Variants in DNAJC6 observed in about 807,000 individuals in gnomAD.
DNAJC6 encodes the protein DnaJ heat shock protein family (Hsp40) member C6, also known as auxilin.
In DNAJC6, 34 loss-of-function variants were observed where a neutral mutation model predicts 110.0. The observed-to-expected ratio is 0.31, with a 90% CI of 0.24 to 0.41. The LOEUF is 0.41. DNAJC6 is among the 10% of genes least tolerant of loss of function. DNAJC6 has a pLI of 1.00. For missense variants in DNAJC6, 1,031 were observed against 1,207.8 expected (o/e 0.85, Z 2.17); for synonymous variants, 406 against 437.2 (o/e 0.93, Z 0.89).
At chr1:65,286,099 GA>G (rs1374900223) in intron 1 of DNAJC6, among the ~76,000 whole-genome samples, 1 of 152,202 alleles carries the variant, frequency 6.6e-6, no homozygotes, top group Non-Finnish European at 1.5e-5. Flanking sequence ...CAGCAACTTG[GA>G]AGGTCAATGA....
intron 12 of DNAJC6, among the ~76,000 whole-genome samples, chr1:65,393,638 T>G (rs1319964263): frequency 6.6e-6 from 1 of 152,174 alleles, no homozygotes; most frequent in Non-Finnish European, 1.5e-5. Flanking sequence ...CATCTAGGAT[T>G]TTTTGACATT....
intron 1 of DNAJC6, among the ~76,000 whole-genome samples, chr1:65,302,347 C>T (rs1252439078): frequency 7.3e-6 from 1 of 136,114 alleles, no homozygotes; most frequent in Non-Finnish European, 1.6e-5. Context: ...ATATCCCCTC[C>T]ACAACTCATG....
In DNAJC6 at chr1:65,332,863, C is replaced by T. The variant is rs79377707; in HGVS notation, c.193+22925C>T. The stretch of plus-strand genomic sequence containing the variant: ...TTTCCTCTTAACGTACATTCAAATA[C>T]TTAGAGGGTTAGAAATTAGAAGATT... On this transcript the variant is annotated intron_variant, in intron 1 of 18. Transcript: ENST00000371069. Among the ~76,000 whole-genome samples the T allele has an allele frequency of 5.1e-3, 780 of 152,236 alleles. 7 individuals carry two copies. Among genetic ancestry groups the T allele is most frequent in the African/African-American group, 0.018 (743 of 41,506 alleles).
chr1:65,336,702 G>A (rs1645340362), intron 1 of DNAJC6, among the ~76,000 whole-genome samples: 1 of 152,128 alleles, frequency 6.6e-6, no homozygotes, highest in Non-Finnish European at 1.5e-5. Flanking sequence ...TGAACTTGTA[G>A]TCCTAGTTAC....
rs33917506 is a variant in DNAJC6 at position 65,374,295 on chromosome 1, G to GT, written c.544-5098dup. Among the ~76,000 whole-genome samples, 95 of 150,974 alleles carry GT rather than the reference G, an allele frequency of 6.3e-4. 1 individual carries two copies. Among genetic ancestry groups the GT allele is most frequent in the Middle Eastern group, 3.4e-3 (1 of 290 alleles). On this transcript the variant is annotated intron_variant, in intron 4 of 18. Transcript: ENST00000371069. ...TTGTGGTTCCACATACATTTTAGGG[G>GT]TTTTTTTTTATTTCTGTGAAGAATG...
chr1:65,366,137 C>G lies in DNAJC6; in HGVS notation c.484C>G (p.His162Asp). ...RSFLDSRHLD[H>D]YTVYNLSPKS... ...CTTTTTGGATTCCAGACATCTTGAC[C>G]ACTACACAGTATACAATCTGTCACC... Residue 162 changes from histidine (H) to aspartate (D), a missense_variant, in exon 4 of 19, where the codon CAC becomes GAC. His to Asp is a moderately conservative substitution (Grantham distance 81). Transcript: ENST00000371069. 3 of 1,613,828 alleles carry G rather than the reference C, an allele frequency of 1.9e-6. No homozygotes were observed. Among genetic ancestry groups the G allele is most frequent in the Non-Finnish European group, 2.5e-6 (3 of 1,179,814 alleles).
At chr1:65,348,674 T>G (rs1386261589) in intron 1 of DNAJC6, among the ~76,000 whole-genome samples, 3 of 151,884 alleles carry the variant, frequency 2.0e-5, no homozygotes, top group Non-Finnish European at 4.4e-5. Flanking sequence ...ACATCTCTTG[T>G]AGACAGCATA....
intron 1 of DNAJC6, among the ~76,000 whole-genome samples, chr1:65,354,805 C>A (rs1055453096): frequency 1.3e-5 from 2 of 152,146 alleles, no homozygotes; most frequent in African/African-American, 4.8e-5. Context: ...TAAATACACA[C>A]AAGCACATGT....
intron 1 of DNAJC6, among the ~76,000 whole-genome samples, chr1:65,266,712 T>C (rs1188456565): frequency 1.3e-5 from 2 of 152,142 alleles, no homozygotes; most frequent in Non-Finnish European, 1.5e-5. Context: ...AAATTGCTTA[T>C]TTGCCAAGTC....
chr1:65,389,264 T>C lies in DNAJC6; in HGVS notation c.1202T>C (p.Leu401Ser). Residue 401 changes from leucine to serine, a missense_variant, in exon 10 of 19, where the codon TTA becomes TCA. By Grantham distance (145) the Leu-to-Ser change is moderately radical. Transcript: ENST00000371069. ...TTVLKFTKPE[L>S]DACDVPEKYP... ...TTTAAATCCCTATTTAGGCCTGAGTTAGATGCATGTGATGTACCAGAAAAA... is the reference window on the plus strand; with the variant it reads ...TTTAAATCCCTATTTAGGCCTGAGTCAGATGCATGTGATGTACCAGAAAAA... The C allele has an allele frequency of 6.2e-7, 1 of 1,613,910 alleles. No individual in the cohort carries two copies. The highest frequency in any genetic ancestry group is 8.5e-7 in the Non-Finnish European group (1 of 1,179,878).
At chr1:65,383,543 GC>G (rs1057349085) in intron 5 of DNAJC6, among the ~76,000 whole-genome samples, 1 of 152,154 alleles carries the variant, frequency 6.6e-6, no homozygotes, top group African/African-American at 2.4e-5. Flanking sequence ...TTGGCCAAGG[GC>G]AGAGGGAGTT....
intron 1 of DNAJC6, among the ~76,000 whole-genome samples, chr1:65,311,983 A>G (rs904043264): frequency 3.9e-5 from 6 of 152,206 alleles, no homozygotes; most frequent in Admixed American, 1.3e-4. Context: ...AGAGCAGCCT[A>G]TGGTAAGTCC....
At chr1:65,393,350 A>G (rs1645947236) in intron 12 of DNAJC6, among the ~76,000 whole-genome samples, 1 of 152,242 alleles carries the variant, frequency 6.6e-6, no homozygotes. Context: ...GGTTTATATG[A>G]CTAGTAATTG....
upstream of DNAJC6, chr1:65,306,546 T>C (rs771708644): frequency 1.3e-5 from 2 of 152,240 alleles, no homozygotes; most frequent in Admixed American, 6.5e-5. Flanking sequence ...TTCCTCAGTA[T>C]TCCTCAGTGT....
chr1:65,297,876 C>G (rs1644942610), intron 1 of DNAJC6, among the ~76,000 whole-genome samples: 1 of 152,152 alleles, frequency 6.6e-6, no homozygotes, highest in African/African-American at 2.4e-5. Context: ...GAGGCACCAG[C>G]TGGCGCCACC....
chr1:65,405,573 T>A (rs569932679), intron 15 of DNAJC6, among the ~76,000 whole-genome samples: 2 of 152,266 alleles, frequency 1.3e-5, no homozygotes, highest in Admixed American at 1.3e-4. Context: ...AGATCCAGAA[T>A]CAAGTCTCGG....
chr1:65,405,753 A>T, intron 15 of DNAJC6, 117 bp from the exon 16 acceptor site: 1 of 1,218,104 alleles, frequency 8.2e-7, no homozygotes, highest in Non-Finnish European at 1.1e-6. Flanking sequence ...TAGGAAGATT[A>T]CTTATGCTGT....
intron 6 of DNAJC6, 58 bp downstream of exon 6, chr1:65,384,384 G>C (rs1471589044): frequency 4.4e-6 from 6 of 1,357,568 alleles, no homozygotes; most frequent in Non-Finnish European, 4.8e-6. Context: ...ATCATGTACT[G>C]TTTTAAATCT....
At chr1:65,288,021 C>T (rs1654078408) in intron 1 of DNAJC6, among the ~76,000 whole-genome samples, 1 of 152,280 alleles carries the variant, frequency 6.6e-6, no homozygotes, top group Admixed American at 6.5e-5. Flanking sequence ...AATACTCAGC[C>T]TTGTACTCTG....
Sources: gnomAD v4.1 joint callset for allele counts (sites outside exome capture counted in the v4.1 genomes callset) on GRCh38, gnomAD v4.1.1 for gene constraint, MANE v1.5 for transcripts, NCBI Gene and HGNC (gene_info 2026-07-23, HGNC 2026-07-21) for gene names.